The following WWTR1 variants were observed in gnomAD, a reference collection of about 807,000 sequenced individuals.
The protein encoded by WWTR1 is WW domain-containing transcription regulator protein 1.
A neutral mutation model predicts 40.1 loss-of-function variants in WWTR1; 13 were observed. That is an observed-to-expected ratio of 0.32 (90% CI 0.21 to 0.52). The LOEUF is 0.52. Among genes scored for constraint, WWTR1 ranks in the 20% least tolerant of loss-of-function variants. The pLI is 0.97. For missense variants in WWTR1, 436 were observed against 523.1 expected (o/e 0.83, Z 1.63); for synonymous variants, 230 against 210.1 (o/e 1.09, Z -0.82).
chr3:149,693,819 C>T (rs984263163), intron 1 of WWTR1, among the ~76,000 whole-genome samples: 4 of 152,118 alleles, frequency 2.6e-5, no homozygotes, highest in Non-Finnish European at 5.9e-5. Context: ...AGATTACTAT[C>T]TCTTGATATA....
At chr3:149,702,542 A>T (rs937851571) in intron 1 of WWTR1, 33 of 151,728 alleles carry the variant, frequency 2.2e-4, no homozygotes, top group Admixed American at 1.8e-3. Flanking sequence ...TTGTTTGGGA[A>T]GATTAAATGA....
rs1268778915 is a variant in WWTR1 at position 149,542,551 on chromosome 3, G to A, written c.569-14C>T. ...GGTGATTCATCACTGCAAGAGGGAA[G>A]AACATACAGATTAATGACCAGGGCC... On this transcript the variant is annotated splice_polypyrimidine_tract_variant and intron_variant, in intron 3 of 6. Coordinates refer to ENST00000360632, the MANE Select transcript of WWTR1 (RefSeq NM_015472.6). 1.3e-6 allele frequency: 2 copies of A among 1,598,456 alleles called. No homozygotes were observed. Among genetic ancestry groups the A allele is most frequent in the Non-Finnish European group, 1.7e-6 (2 of 1,170,404 alleles).
At chr3:149,626,217 A>G (rs1740537489) in intron 2 of WWTR1, among the ~76,000 whole-genome samples, 1 of 152,218 alleles carries the variant, frequency 6.6e-6, no homozygotes, top group Non-Finnish European at 1.5e-5. Flanking sequence ...ATTGCAAATA[A>G]GTTAATCCCA....
intron 2 of WWTR1, among the ~76,000 whole-genome samples, chr3:149,647,550 C>T (rs1279056456): frequency 1.3e-5 from 2 of 152,140 alleles, no homozygotes; most frequent in Non-Finnish European, 2.9e-5. Flanking sequence ...GACTCAAAAG[C>T]TATTCATTTA....
intron 2 of WWTR1, among the ~76,000 whole-genome samples, chr3:149,655,043 G>C (rs929056264): frequency 1.3e-5 from 2 of 149,010 alleles, no homozygotes; most frequent in Non-Finnish European, 3.0e-5. Flanking sequence ...GGAGAATGGC[G>C]TGAACCCGGT....
chr3:149,533,113 C>T (rs1735667600), intron 4 of WWTR1, among the ~76,000 whole-genome samples: 1 of 152,202 alleles, frequency 6.6e-6, no homozygotes, highest in Non-Finnish European at 1.5e-5. Context: ...TCACAGATCC[C>T]TTCCAGGGTC....
chr3:149,622,490 G>GAAAGAA (rs1560089654), intron 2 of WWTR1, among the ~76,000 whole-genome samples: 1 of 62,648 alleles, frequency 1.6e-5, no homozygotes, highest in African/African-American at 5.1e-5. Context: ...AGGAAGGAAG[G>GAAAGAA]AAGGAAGGAA....
intron 2 of WWTR1, among the ~76,000 whole-genome samples, chr3:149,582,624 G>C (rs1214729529): frequency 6.6e-6 from 1 of 151,916 alleles, no homozygotes; most frequent in African/African-American, 2.4e-5. Context: ...CCAGCTTCTT[G>C]GGAGGCTGAA....
At chr3:149,670,402 T>C (rs992319797) in intron 1 of WWTR1, among the ~76,000 whole-genome samples, 1 of 152,192 alleles carries the variant, frequency 6.6e-6, no homozygotes, top group Non-Finnish European at 1.5e-5. Flanking sequence ...CCGCTGTAGT[T>C]GGTCTTGAGG....
intron 4 of WWTR1, among the ~76,000 whole-genome samples, chr3:149,539,278 G>A (rs1040662284): frequency 3.3e-5 from 5 of 152,264 alleles, no homozygotes; most frequent in African/African-American, 7.2e-5. Context: ...CAGATTCGTC[G>A]TATCATTCAA....
intron 2 of WWTR1, among the ~76,000 whole-genome samples, chr3:149,644,471 G>A (rs1331141961): frequency 6.6e-6 from 1 of 152,102 alleles, no homozygotes; most frequent in Non-Finnish European, 1.5e-5. Flanking sequence ...CCAGTTTTGG[G>A]CCAGCAGAGA....
chr3:149,523,207 A>G (rs1467050316), intron 6 of WWTR1, among the ~76,000 whole-genome samples: 1 of 152,124 alleles, frequency 6.6e-6, no homozygotes, highest in Admixed American at 6.5e-5. Flanking sequence ...TGGTCTTTGC[A>G]GTTTATCCAC....
intron 2 of WWTR1, among the ~76,000 whole-genome samples, chr3:149,597,753 G>A (rs1739065240): frequency 6.6e-6 from 1 of 152,214 alleles, no homozygotes. Flanking sequence ...AAAGATGCTT[G>A]GAAGAAAAGC....
In WWTR1 at chr3:149,557,354, G is replaced by A. The variant is rs1271942101; in HGVS notation, c.569-14817C>T. On this transcript the variant is annotated intron_variant, in intron 3 of 6. Transcript: ENST00000360632. ...CCCAAAGTGCTGGGATTACAGGCGT[G>A]AGCCACTGTGCCAGGCCACTACTGT... Among the ~76,000 whole-genome samples the A allele has an allele frequency of 2.6e-5, 4 of 152,098 alleles. No individual in the cohort carries two copies. The East Asian group carries it at 7.7e-4, about 29-fold the overall frequency.
intron 3 of WWTR1, among the ~76,000 whole-genome samples, chr3:149,544,502 G>T (rs1432270508): frequency 2.0e-5 from 3 of 152,156 alleles, no homozygotes; most frequent in African/African-American, 7.2e-5. Flanking sequence ...TTTATGAGTG[G>T]CTTATGGAAC....
chr3:149,699,711 A>G (rs1006911115), intron 1 of WWTR1, among the ~76,000 whole-genome samples: 2 of 152,118 alleles, frequency 1.3e-5, no homozygotes, highest in Non-Finnish European at 2.9e-5. Context: ...CAGTTTCCCC[A>G]TTTCCATCTG....
chr3:149,613,747 T>A (rs1377048743), intron 2 of WWTR1, among the ~76,000 whole-genome samples: 1 of 152,050 alleles, frequency 6.6e-6, no homozygotes, highest in Non-Finnish European at 1.5e-5. Flanking sequence ...GAGGTCTCAC[T>A]GTTGCCCAGG....
intron 2 of WWTR1, among the ~76,000 whole-genome samples, chr3:149,645,454 G>A (rs1250090918): frequency 6.6e-6 from 1 of 152,180 alleles, no homozygotes. Flanking sequence ...TTACAGGTAT[G>A]AGCCACTGCT....
chr3:149,617,882 C>T lies in WWTR1; in HGVS notation c.431+38994G>A, dbSNP rs117457066. 2.0e-5 allele frequency among the ~76,000 whole-genome samples: 3 copies of T among 152,164 alleles called. No homozygotes were observed. In the East Asian group the frequency reaches 5.8e-4, roughly 29 times the overall value. ...TATTATTCATGGACTCTGAAAAATC[C>T]CTCCTATGGATACAAAAATAAAATG... On this transcript the variant is annotated intron_variant, in intron 2 of 6. Transcript: ENST00000360632.
Sources: gnomAD v4.1 joint callset for allele counts (sites outside exome capture counted in the v4.1 genomes callset) on GRCh38, gnomAD v4.1.1 for gene constraint, MANE v1.5 for transcripts, NCBI Gene and HGNC (gene_info 2026-07-23, HGNC 2026-07-21) for gene names.